Variants in FOXP1 observed in about 807,000 individuals in gnomAD.
FOXP1 encodes forkhead box P1, also known as forkhead box protein P1.
Under a neutral mutation model 98.2 loss-of-function variants are expected in FOXP1, and 15 were observed. The ratio of observed to expected loss-of-function variants is 0.15; its 90% CI spans 0.10 to 0.24. FOXP1 has a LOEUF of 0.24. FOXP1 is among the 10% of genes least tolerant of loss of function. FOXP1 has a pLI of 1.00. For missense variants in FOXP1, 633 were observed against 848.5 expected (o/e 0.75, Z 3.15); for synonymous variants, 371 against 314.5 (o/e 1.18, Z -1.90).
At chr3:71,491,027 T>A (rs1191557107) in intron 3 of FOXP1, among the ~76,000 whole-genome samples, 1 of 152,194 alleles carries the variant, frequency 6.6e-6, no homozygotes, top group Non-Finnish European at 1.5e-5. Context: ...ATTATTATTA[T>A]TATTTTGAGA....
chr3:71,079,255 C>T (rs188212794), intron 7 of FOXP1, among the ~76,000 whole-genome samples: 380 of 152,214 alleles, frequency 2.5e-3, no homozygotes, highest in Admixed American at 5.6e-3. Flanking sequence ...TTTGCCCCTG[C>T]CCCCCACCTA....
intron 4 of FOXP1, among the ~76,000 whole-genome samples, chr3:71,324,440 A>G (rs2107683388): frequency 6.6e-6 from 1 of 152,366 alleles, no homozygotes; most frequent in South Asian, 2.1e-4. Context: ...GCAGCCATAA[A>G]AAAGGATGAG....
At chr3:71,351,826 G>A (rs2077802254) in intron 4 of FOXP1, among the ~76,000 whole-genome samples, 1 of 152,206 alleles carries the variant, frequency 6.6e-6, no homozygotes, top group Non-Finnish European at 1.5e-5. Context: ...CTAGAGAGAT[G>A]AGGTTAATTA....
intron 6 of FOXP1, among the ~76,000 whole-genome samples, chr3:71,177,447 TG>T (rs1260122714): frequency 2.0e-5 from 3 of 152,124 alleles, no homozygotes; most frequent in African/African-American, 7.2e-5. Context: ...GGAAACTCAA[TG>T]GGGAAGGAGA....
intron 2 of FOXP1, chr3:71,580,907 T>C (rs1231074909): frequency 6.1e-6 from 6 of 985,158 alleles, no homozygotes; most frequent in Non-Finnish European, 7.2e-6. Flanking sequence ...TAAAGAGCAG[T>C]GACAAAAAAG....
chr3:70,958,178 A>T lies in FOXP1; in HGVS notation c.*1069T>A. 2.5e-6 allele frequency: 1 copy of T among 394,910 alleles called. No homozygotes were observed. Among genetic ancestry groups the T allele is most frequent in the Non-Finnish European group, 4.8e-6 (1 of 207,696 alleles). The allele number at this position is 394,910 out of a possible 1,614,324, so 24.5% of individuals were successfully genotyped here. On this transcript the variant is annotated 3_prime_UTR_variant, in exon 21 of 21. Transcript: ENST00000649528. ...CCTTGTGCTGGTAGAATGTGGTGGC[A>T]TTTATTAATGGTTGCTGCAAAAAAA...
At chr3:71,242,176 C>T (rs1320828914) in intron 5 of FOXP1, among the ~76,000 whole-genome samples, 3 of 152,170 alleles carry the variant, frequency 2.0e-5, no homozygotes, top group Non-Finnish European at 4.4e-5. Context: ...AGGACATGTT[C>T]GGTAACATGC....
intron 3 of FOXP1, among the ~76,000 whole-genome samples, chr3:71,416,064 G>A (rs2108299706): frequency 6.6e-6 from 1 of 152,288 alleles, no homozygotes; most frequent in East Asian, 1.9e-4. Flanking sequence ...GCCAGGTATT[G>A]TACTCAGAGA....
At chr3:71,482,637 T>A (rs146641160) in intron 3 of FOXP1, among the ~76,000 whole-genome samples, 1,925 of 152,126 alleles carry the variant, frequency 0.013, 45 homozygotes, top group African/African-American at 0.043. Flanking sequence ...TGACCTCAGG[T>A]GATCCAACCA....
intron 6 of FOXP1, among the ~76,000 whole-genome samples, chr3:71,141,182 C>T (rs1045024363): frequency 6.8e-6 from 1 of 148,128 alleles, no homozygotes; most frequent in Non-Finnish European, 1.5e-5. Flanking sequence ...GCAGGACAAT[C>T]AGTTGAACCC....
At chr3:71,452,633 G>A (rs1009925053) in intron 3 of FOXP1, among the ~76,000 whole-genome samples, 1 of 152,148 alleles carries the variant, frequency 6.6e-6, no homozygotes, top group Non-Finnish European at 1.5e-5. Flanking sequence ...TTTTTTTACC[G>A]AGGATGCTGC....
chr3:71,179,905 A>G (rs997484534), intron 6 of FOXP1, among the ~76,000 whole-genome samples: 5 of 152,196 alleles, frequency 3.3e-5, no homozygotes, highest in African/African-American at 9.6e-5. Flanking sequence ...TTGCTATTCA[A>G]TTTCCAATTG....
intron 6 of FOXP1, among the ~76,000 whole-genome samples, chr3:71,143,508 G>A (rs759466679): frequency 6.6e-6 from 1 of 152,246 alleles, no homozygotes; most frequent in African/African-American, 2.4e-5. Context: ...GGCAGTGATC[G>A]AACCACACTG....
intron 3 of FOXP1, among the ~76,000 whole-genome samples, chr3:71,371,406 C>T (rs1224192399): frequency 6.6e-6 from 1 of 152,198 alleles, no homozygotes; most frequent in East Asian, 1.9e-4. Context: ...ACACACCTGA[C>T]ACCGCAATCC....
chr3:71,583,748 A>G (rs1461409214), upstream of FOXP1: 5 of 985,630 alleles, frequency 5.1e-6, no homozygotes, highest in East Asian at 3.4e-4. Flanking sequence ...CCGCCACACA[A>G]TAAATAACAA....
intron 4 of FOXP1, among the ~76,000 whole-genome samples, chr3:71,347,253 A>T (rs1308022065): frequency 6.6e-6 from 1 of 152,196 alleles, no homozygotes; most frequent in Non-Finnish European, 1.5e-5. Context: ...GCTGACTGTC[A>T]TTCAGATCCG....
intron 7 of FOXP1, among the ~76,000 whole-genome samples, chr3:71,110,943 T>C (rs933837750): frequency 6.6e-6 from 1 of 152,226 alleles, no homozygotes; most frequent in East Asian, 1.9e-4. Context: ...GTTTACCAAA[T>C]AAGTGTTTAC....
At chr3:71,184,892 T>G (rs2062553681) in intron 6 of FOXP1, among the ~76,000 whole-genome samples, 1 of 151,944 alleles carries the variant, frequency 6.6e-6, no homozygotes, top group Non-Finnish European at 1.5e-5. Context: ...CTGCAAAACA[T>G]AAAAATGATG....
At chr3:71,405,917 A>G (rs1310212566) in intron 3 of FOXP1, among the ~76,000 whole-genome samples, 1 of 151,762 alleles carries the variant, frequency 6.6e-6, no homozygotes, top group Non-Finnish European at 1.5e-5. Flanking sequence ...TTTAGTAGAG[A>G]CAGGGTTTCA....
Sources: allele counts gnomAD v4.1 joint callset (sites outside exome capture counted in the v4.1 genomes callset), GRCh38; gene constraint gnomAD v4.1.1; transcripts MANE v1.5; gene names NCBI Gene and HGNC (gene_info 2026-07-23, HGNC 2026-07-21).